PDE7B: variants seen among roughly 807,000 people sequenced by gnomAD.
PDE7B encodes phosphodiesterase 7B.
Under a neutral mutation model 56.2 loss-of-function variants are expected in PDE7B, and 29 were observed. That is an observed-to-expected ratio of 0.52 (90% CI 0.38 to 0.70). The LOEUF (loss-of-function observed/expected upper bound fraction) is 0.70, where lower values mean the gene tolerates loss of function less well. Ranked by LOEUF, PDE7B falls within the 30% of genes least tolerant of loss-of-function variation. The pLI is 0.00. For synonymous variants in PDE7B, 197 were observed against 196.9 expected (o/e 1.00, Z 0.00); for missense variants, 490 against 565.0 (o/e 0.87, Z 1.35).
At chr6:136,136,846 C>A (rs2128445353) in intron 3 of PDE7B, among the ~76,000 whole-genome samples, 1 of 151,396 alleles carries the variant, frequency 6.6e-6, no homozygotes, top group African/African-American at 2.4e-5. Context: ...AAAATGATTA[C>A]AATGTGTATG....
intron 2 of PDE7B, among the ~76,000 whole-genome samples, chr6:136,015,643 C>T (rs190752689): frequency 6.6e-6 from 1 of 152,270 alleles, no homozygotes; most frequent in Admixed American, 6.5e-5. Flanking sequence ...GTGACAAACA[C>T]TGAGTCGCTG....
At position 136,156,874 on chromosome 6, in the gene PDE7B, C is replaced by T. The variant is rs147771862; in HGVS notation, c.711+1116C>T. Among the ~76,000 whole-genome samples, 846 of 152,224 alleles carry T rather than the reference C, an allele frequency of 5.6e-3. 9 individuals are homozygous for T. Among genetic ancestry groups the T allele is most frequent in the Non-Finnish European group, 9.5e-3 (647 of 68,006 alleles). On this transcript the variant is annotated intron_variant, in intron 8 of 12. Transcript: ENST00000308191. ...TTTGGCTATATACCATCACTATTAA[C>T]TATACTAAGGAACATCAAAAAGATG...
At chr6:136,015,331 T>G (rs903592398) in intron 2 of PDE7B, among the ~76,000 whole-genome samples, 1 of 152,216 alleles carries the variant, frequency 6.6e-6, no homozygotes, top group African/African-American at 2.4e-5. Context: ...AACCCTTGCC[T>G]TTCTTTGAAG....
chr6:135,934,940 T>TATA (rs1268815995), intron 1 of PDE7B, among the ~76,000 whole-genome samples: 2 of 70,618 alleles, frequency 2.8e-5, no homozygotes, highest in East Asian at 4.3e-4. Flanking sequence ...TTTAAATATA[T>TATA]AATATATATT....
chr6:136,003,686 G>A (rs1376244641), intron 2 of PDE7B, among the ~76,000 whole-genome samples: 13 of 152,286 alleles, frequency 8.5e-5, no homozygotes, highest in South Asian at 2.1e-4. Context: ...CCAATAACAG[G>A]CTCTGAAATT....
At chr6:135,974,430 A>C (rs753336502) in intron 2 of PDE7B, among the ~76,000 whole-genome samples, 1 of 152,176 alleles carries the variant, frequency 6.6e-6, no homozygotes, top group Non-Finnish European at 1.5e-5. Flanking sequence ...TGAAACACTG[A>C]CCTTGAGAAA....
At chr6:135,942,984 C>G (rs1774532551) in intron 1 of PDE7B, among the ~76,000 whole-genome samples, 1 of 152,026 alleles carries the variant, frequency 6.6e-6, no homozygotes, top group South Asian at 2.1e-4. Context: ...TTCATCTTTC[C>G]CTTCCTGAAT....
intron 2 of PDE7B, among the ~76,000 whole-genome samples, chr6:135,973,731 C>T (rs1775134462): frequency 6.6e-6 from 1 of 152,136 alleles, no homozygotes; most frequent in South Asian, 2.1e-4. Flanking sequence ...TGACACTGAG[C>T]ATTTAAACAA....
chr6:136,191,928 G>A lies in PDE7B; in HGVS notation c.*88G>A. On this transcript the variant is annotated 3_prime_UTR_variant, in exon 13 of 13. Transcript: ENST00000308191. The stretch of plus-strand genomic sequence containing the variant: ...GGAGGGGCCCTCACGCAGCAGCCCA[G>A]CCACTTTCTGAGTGTTGTCCTGGGG... 1 of 978,002 alleles carries A rather than the reference G, an allele frequency of 1.0e-6. No individual in the cohort carries two copies. The highest frequency in any genetic ancestry group is 1.5e-6 in the Non-Finnish European group (1 of 653,422). 60.6% of individuals were successfully genotyped at this position (978,002 alleles called of 1,614,324 possible).
At position 136,173,802 on chromosome 6, in the gene PDE7B, G is replaced by T. The variant is rs1046199290; in HGVS notation, c.717G>T (p.Met239Ile). The change falls in exon 9 of 13, where the codon ATG becomes ATT. Residue 239 changes from methionine (M) to isoleucine (I), a missense_variant. Physicochemically the swap from Met to Ile is conservative, Grantham distance 10. Transcript: ENST00000308191. ...CTTATTTTCTTTCTTTCTAGAATATGTCTGTGCTGGAGAATCATCACTGGC... is the reference window on the plus strand; with the variant it reads ...CTTATTTTCTTTCTTTCTAGAATATTTCTGTGCTGGAGAATCATCACTGGC... Reference protein sequence around the residue: ...NHHLANLYQNMSVLENHHWRS... With the variant: ...NHHLANLYQNISVLENHHWRS... 2 of 1,599,572 alleles carry T rather than the reference G, an allele frequency of 1.3e-6. No homozygotes were observed. Among genetic ancestry groups the T allele is most frequent in the Non-Finnish European group, 1.7e-6 (2 of 1,167,358 alleles).
chr6:135,942,016 G>A (rs1169287746), intron 1 of PDE7B, among the ~76,000 whole-genome samples: 3 of 152,152 alleles, frequency 2.0e-5, no homozygotes, highest in Non-Finnish European at 4.4e-5. Context: ...AAGTGCTGTC[G>A]ATTGAACAAT....
intron 2 of PDE7B, among the ~76,000 whole-genome samples, chr6:136,006,951 T>C (rs1397356696): frequency 6.6e-6 from 1 of 152,216 alleles, no homozygotes; most frequent in African/African-American, 2.4e-5. Context: ...CTATGTTGAA[T>C]AGAAGTAGAG....
intron 2 of PDE7B, among the ~76,000 whole-genome samples, chr6:136,065,441 C>T (rs1421776973): frequency 6.6e-6 from 1 of 152,110 alleles, no homozygotes; most frequent in Non-Finnish European, 1.5e-5. Context: ...TCATAAACTT[C>T]TATTGTAGTT....
chr6:136,145,185 T>A (rs2128446473), intron 3 of PDE7B, among the ~76,000 whole-genome samples: 1 of 152,264 alleles, frequency 6.6e-6, no homozygotes. Flanking sequence ...TCACTTTTCC[T>A]TATTTATTTA....
At chr6:135,904,644 T>C (rs762963296) in intron 1 of PDE7B, among the ~76,000 whole-genome samples, 9 of 152,216 alleles carry the variant, frequency 5.9e-5, no homozygotes, top group Non-Finnish European at 1.2e-4. Flanking sequence ...AACACTGTGA[T>C]GTAAAATAAC....
chr6:136,136,523 G>A (rs533228901), intron 3 of PDE7B, among the ~76,000 whole-genome samples: 3 of 151,912 alleles, frequency 2.0e-5, no homozygotes, highest in Admixed American at 6.6e-5. Flanking sequence ...GGGTGACTAG[G>A]GTCAATAATA....
chr6:135,906,216 A>C (rs1013333880), intron 1 of PDE7B, among the ~76,000 whole-genome samples: 5 of 152,214 alleles, frequency 3.3e-5, no homozygotes, highest in African/African-American at 9.6e-5. Context: ...AGCTTGAAAA[A>C]GAAGCATTTT....
At chr6:135,942,819 A>T (rs1009660104) in intron 1 of PDE7B, among the ~76,000 whole-genome samples, 1 of 152,090 alleles carries the variant, frequency 6.6e-6, no homozygotes, top group East Asian at 1.9e-4. Context: ...ATCACAAAAG[A>T]CAGGATTTCC....
At chr6:136,077,179 C>T (rs1777140395) in intron 2 of PDE7B, among the ~76,000 whole-genome samples, 3 of 151,870 alleles carry the variant, frequency 2.0e-5, no homozygotes, top group Non-Finnish European at 4.4e-5. Context: ...ACCAGGAGGA[C>T]AATGACAAAT....
Sources: gnomAD v4.1 joint callset for allele counts (sites outside exome capture counted in the v4.1 genomes callset) on GRCh38, gnomAD v4.1.1 for gene constraint, MANE v1.5 for transcripts, NCBI Gene and HGNC (gene_info 2026-07-23, HGNC 2026-07-21) for gene names.